CTHRC1: variants seen among roughly 807,000 people sequenced by gnomAD.
The protein encoded by CTHRC1 is collagen triple helix repeat containing 1.
In CTHRC1, 21 loss-of-function variants were observed where a neutral mutation model predicts 25.9. The observed-to-expected ratio is 0.81, with a 90% CI of 0.57 to 1.17. The LOEUF is 1.17. CTHRC1 is among the 50% of genes most tolerant of loss of function. The pLI, the probability that CTHRC1 is intolerant of heterozygous loss-of-function variation, is 0.00. For missense variants in CTHRC1, 281 were observed against 304.3 expected (o/e 0.92, Z 0.57); for synonymous variants, 109 against 113.1 (o/e 0.96, Z 0.23).
intron 1 of CTHRC1, among the ~76,000 whole-genome samples, chr8:103,374,818 C>G (rs1023674915): frequency 6.6e-6 from 1 of 152,152 alleles, no homozygotes; most frequent in South Asian, 2.1e-4. Context: ...TTATTATTAT[C>G]CACATTTTAC....
rs1194731448 is a variant in CTHRC1, at chr8:103,371,679, C to T, written c.23C>T (p.Ala8Val). ...GCCATGCGACCCCAGGGCCCCGCCG[C>T]CTCCCCGCAGCGGCTCCGCGGCCTC... is the stretch of plus-strand genomic sequence containing the variant. The part of the protein sequence containing the change: MRPQGPA[A>V]SPQRLRGLLL... The change falls in exon 1 of 4, where the codon GCC becomes GTC. Residue 8 changes from alanine to valine, a missense_variant. Physicochemically the swap from Ala to Val is moderately conservative, Grantham distance 64. Transcript: ENST00000330295. The T allele has an allele frequency of 2.0e-6, 3 of 1,533,696 alleles. No individual in the cohort carries two copies.
At chr8:103,379,459 C>A in intron 3 of CTHRC1, among the ~76,000 whole-genome samples, 1 of 149,222 alleles carries the variant, frequency 6.7e-6, no homozygotes, top group Non-Finnish European at 1.5e-5. Flanking sequence ...TAGAAAATAC[C>A]AGAAAATAGA....
In CTHRC1 at chr8:103,375,843, T is replaced by G. The variant is rs755445506; in HGVS notation, c.256T>G (p.Phe86Val). Residue 86 changes from phenylalanine (F) to valine (V), a missense_variant, in exon 2 of 4, where the codon TTC (phenylalanine) becomes GTC (valine). Physicochemically the swap from Phe to Val is conservative, Grantham distance 50 (BLOSUM62 -1). Coordinates refer to ENST00000330295, the MANE Select transcript of CTHRC1 (RefSeq NM_138455.4). ...ACCTGGGATCCCAGGTCGGGATGGATTCAAAGGAGAAAAGGGGGAATGTCT... is the reference window on the plus strand; with the variant it reads ...ACCTGGGATCCCAGGTCGGGATGGAGTCAAAGGAGAAAAGGGGGAATGTCT... ...GTPGIPGRDG[F>V]KGEKGECLRE... The G allele has an allele frequency of 6.2e-7, 1 of 1,614,052 alleles. No homozygotes were observed. The highest frequency in any genetic ancestry group is 1.7e-5 in the Admixed American group (1 of 60,010).
chr8:103,382,619 G>T lies in CTHRC1; in HGVS notation c.*19G>T. The T allele has an allele frequency of 6.3e-7, 1 of 1,597,916 alleles. No homozygotes were observed. Among genetic ancestry groups the T allele is most frequent in the Non-Finnish European group, 8.6e-7 (1 of 1,165,610 alleles). ...AAAATAAATGCTTTAATTTTCATTT[G>T]CTACCTCTTTTTTTATTATGCCTTG... On this transcript the variant is annotated 3_prime_UTR_variant, in exon 4 of 4. Coordinates refer to ENST00000330295, the MANE Select transcript of CTHRC1 (RefSeq NM_138455.4).
At chr8:103,377,888 G>A (rs1815833734) in intron 2 of CTHRC1, 139 bp from the exon 3 acceptor site, 2 of 758,118 alleles carry the variant, frequency 2.6e-6, no homozygotes, top group Non-Finnish European at 4.5e-6. Context: ...ACAGGTATGA[G>A]CCACCACACC....
At chr8:103,378,349 G>C in intron 3 of CTHRC1, 106 bp downstream of exon 3, 1 of 892,054 alleles carries the variant, frequency 1.1e-6, no homozygotes, top group East Asian at 2.6e-5. Flanking sequence ...GGGACCTCTA[G>C]CAAGTTTTCA....
At chr8:103,380,899 G>A (rs892906042) in intron 3 of CTHRC1, among the ~76,000 whole-genome samples, 5 of 152,140 alleles carry the variant, frequency 3.3e-5, no homozygotes, top group African/African-American at 1.2e-4. Context: ...ACTTGGGAAG[G>A]GGACTGAACC....
intron 3 of CTHRC1, among the ~76,000 whole-genome samples, chr8:103,380,754 G>A (rs1815895582): frequency 6.6e-6 from 1 of 152,224 alleles, no homozygotes; most frequent in Non-Finnish European, 1.5e-5. Flanking sequence ...AGGCCGTAGG[G>A]GGAAGTGAAC....
chr8:103,372,711 G>C, intron 1 of CTHRC1: 1 of 1,492,494 alleles, frequency 6.7e-7, no homozygotes, highest in Non-Finnish European at 9.2e-7. Context: ...CCAGTGGAGG[G>C]CGGAGAGGTT....
chr8:103,374,497 G>A (rs928546472), intron 1 of CTHRC1, among the ~76,000 whole-genome samples: 1 of 152,176 alleles, frequency 6.6e-6, no homozygotes, highest in Non-Finnish European at 1.5e-5. Context: ...TTCAGGTGTA[G>A]ACACAGGAAT....
rs373203731 is a variant in CTHRC1 at position 103,375,811 on chromosome 8, C to T, written c.224C>T (p.Pro75Leu). 5.6e-5 allele frequency: 90 copies of T among 1,613,928 alleles called. No individual in the cohort carries two copies. The highest frequency in any genetic ancestry group is 6.9e-5 in the Non-Finnish European group (81 of 1,180,006). ...GGGAGCCCTGGGGCCAATGGCATTCCGGGTACACCTGGGATCCCAGGTCGG... is the reference window on the plus strand; with the variant it reads ...GGGAGCCCTGGGGCCAATGGCATTCTGGGTACACCTGGGATCCCAGGTCGG... Reference protein sequence around the residue: ...RDGSPGANGIPGTPGIPGRDG... With the variant: ...RDGSPGANGILGTPGIPGRDG... The change falls in exon 2 of 4, where the codon CCG (proline) becomes CTG (leucine). Residue 75 changes from proline (P) to leucine (L), a missense_variant. By Grantham distance (98) the Pro-to-Leu change is moderately conservative. Transcript: ENST00000330295.
At chr8:103,373,664 TG>T in intron 1 of CTHRC1, among the ~76,000 whole-genome samples, 2 of 148,006 alleles carry the variant, frequency 1.4e-5, no homozygotes, top group Middle Eastern at 6.8e-3. Flanking sequence ...TCCTGTCCGT[TG>T]TCGCGTGTTT....
At chr8:103,377,853 C>T (rs556503633) in intron 2 of CTHRC1, among the ~76,000 whole-genome samples, 174 bp from the exon 3 acceptor site, 1 of 152,228 alleles carries the variant, frequency 6.6e-6, no homozygotes, top group South Asian at 2.1e-4. Context: ...ATCTGCCCCC[C>T]TCGGCCTCCC....
chr8:103,378,919 G>C (rs1035574944), intron 3 of CTHRC1, among the ~76,000 whole-genome samples: 1 of 152,102 alleles, frequency 6.6e-6, no homozygotes, highest in African/African-American at 2.4e-5. Flanking sequence ...CTTCAGCCCA[G>C]GAGGCAGAGG....
intron 1 of CTHRC1, chr8:103,372,358 T>C (rs899039942): frequency 1.8e-6 from 2 of 1,106,372 alleles, no homozygotes; most frequent in African/African-American, 3.2e-5. Context: ...ATGAGTCACG[T>C]TGGGTCATCT....
In CTHRC1 at chr8:103,378,235, C is replaced by A. The variant is rs1815844952; in HGVS notation, c.581C>A (p.Thr194Asn). ...AATTCAACAATTAATATTCATCGCA[C>A]TTCTTCTGGTATGTAAAATTGTGAC... ...EMNSTINIHR[T>N]SSVEGLCEGI... Residue 194 changes from threonine to asparagine, a missense_variant, in exon 3 of 4, where the codon ACT (threonine) becomes AAT (asparagine). Physicochemically the swap from Thr to Asn is moderately conservative, Grantham distance 65 (BLOSUM62 0). Coordinates refer to ENST00000330295, the MANE Select transcript of CTHRC1 (RefSeq NM_138455.4). 1 of 1,611,182 alleles carries A rather than the reference C, an allele frequency of 6.2e-7. No homozygotes were observed. The highest frequency in any genetic ancestry group is 1.1e-5 in the South Asian group (1 of 91,040).
chr8:103,381,813 A>G (rs1048676720), intron 3 of CTHRC1, among the ~76,000 whole-genome samples: 1 of 152,146 alleles, frequency 6.6e-6, no homozygotes, highest in Non-Finnish European at 1.5e-5. Flanking sequence ...CCTGGCTAAC[A>G]CGATGAAACT....
intron 1 of CTHRC1, chr8:103,372,703 A>G: frequency 6.5e-7 from 1 of 1,544,630 alleles, no homozygotes; most frequent in Non-Finnish European, 8.8e-7. Flanking sequence ...CAACAAACCC[A>G]GTGGAGGGCG....
chr8:103,373,910 G>A (rs11985002), intron 1 of CTHRC1, among the ~76,000 whole-genome samples: 36,314 of 151,664 alleles, frequency 0.24, 4,768 homozygotes, highest in African/African-American at 0.32. Flanking sequence ...CATTTGAAAT[G>A]TATGTCTAAA....
Sources: gnomAD v4.1 joint callset for allele counts (sites outside exome capture counted in the v4.1 genomes callset) on GRCh38, gnomAD v4.1.1 for gene constraint, MANE v1.5 for transcripts, NCBI Gene and HGNC (gene_info 2026-07-23, HGNC 2026-07-21) for gene names.